Variants in ESRRB observed in about 807,000 individuals in gnomAD.
ESRRB encodes the protein steroid hormone receptor ERR2.
In ESRRB, 16 loss-of-function variants were observed where a neutral mutation model predicts 46.0. The ratio of observed to expected loss-of-function variants is 0.35; its 90% CI spans 0.24 to 0.53. The LOEUF (loss-of-function observed/expected upper bound fraction) is 0.53. Among genes scored for constraint, ESRRB ranks in the 20% least tolerant of loss-of-function variants. The pLI is 0.93. For missense variants in ESRRB, 488 were observed against 607.4 expected (o/e 0.80, Z 2.07); for synonymous variants, 246 against 259.6 (o/e 0.95, Z 0.50).
Position 76,376,541 on chromosome 14 carries a change from G to C in ESRRB, c.50+90G>C. 1 of 985,452 alleles carries C rather than the reference G, an allele frequency of 1.0e-6. No individual in the cohort carries two copies. Among genetic ancestry groups the C allele is most frequent in the Non-Finnish European group, 1.3e-6 (1 of 763,836 alleles). The allele number at this position is 985,452 out of a possible 1,614,324, so 61.0% of individuals were successfully genotyped here. ...CGCAGTTCCTTTTCTGCACATTCTT[G>C]TGTAAAAGTGGAAGGGACTTCGGGG... On this transcript the variant is annotated intron_variant, in intron 1 of 6. Transcript: ENST00000644823. This position sits in a 1 kb window ranked among gnomAD's most constrained non-coding sequence, Gnocchi z 4.1.
intron 2 of ESRRB, among the ~76,000 whole-genome samples, chr14:76,444,623 C>G (rs1168612448): frequency 2.0e-5 from 3 of 152,036 alleles, no homozygotes; most frequent in Non-Finnish European, 4.4e-5. Context: ...TGGCCTCAAG[C>G]AATTCTCTTG....
intron 1 of ESRRB, among the ~76,000 whole-genome samples, chr14:76,427,721 C>A (rs923501114): frequency 1.3e-5 from 2 of 152,174 alleles, no homozygotes; most frequent in African/African-American, 4.8e-5. Flanking sequence ...TCCTGTATGC[C>A]AGGCATTGTT....
chr14:76,315,753 C>A (rs1883792610), intron 1 of ESRRB, among the ~76,000 whole-genome samples: 1 of 152,174 alleles, frequency 6.6e-6, no homozygotes, highest in Non-Finnish European at 1.5e-5. Context: ...TCTGTGTCAG[C>A]AAGACATGCA....
Position 76,358,996 on chromosome 14 carries a change from C to T in ESRRB, c.2+48080C>T, listed in dbSNP as rs528441020. Among the ~76,000 whole-genome samples, 43 of 152,330 alleles carry T rather than the reference C, an allele frequency of 2.8e-4. 1 individual carries two copies. The South Asian group carries it at 5.8e-3, about 21-fold the overall frequency. On this transcript the variant is annotated intron_variant, in intron 1 of 6. Transcript: ENST00000512784. ...CTAATACTTTCCCAGGTGATACTGG[C>T]GCTGCTGGCTTTGTGGAACCCACAT...
chr14:76,432,401 C>A lies in ESRRB; in HGVS notation c.51-6940C>A, dbSNP rs577976341. On this transcript the variant is annotated intron_variant, in intron 1 of 6. Coordinates refer to ENST00000644823, the MANE Select transcript of ESRRB (RefSeq NM_001379180.1). ...TCATGAGTTAAGAGGCCTGGAGAAC[C>A]TTTGCGTCCCAGATTTCTGCTCCCA... Among the ~76,000 whole-genome samples the A allele has an allele frequency of 2.0e-4, 30 of 152,312 alleles. No homozygotes were observed. In the South Asian group the frequency reaches 5.8e-3, roughly 29 times the overall value.
At chr14:76,373,002 T>C (rs1207509102), upstream of ESRRB, among the ~76,000 whole-genome samples, 11 of 152,222 alleles carry the variant, frequency 7.2e-5, no homozygotes, top group Admixed American at 7.2e-4. Flanking sequence ...AATCTGATGA[T>C]GGTTCTAAAT....
Position 76,356,370 on chromosome 14 carries a change from T to TA in ESRRB, c.2+45455dup, listed in dbSNP as rs138723277. On this transcript the variant is annotated intron_variant, in intron 1 of 6. Coordinates refer to the ESRRB transcript ENST00000512784. The stretch of plus-strand genomic sequence containing the variant: ...AACCCATTTAATCTCACAATCACTC[T>TA]AGGAGGCTGGTACTCTCTCTCTCCC... 6.2e-3 allele frequency among the ~76,000 whole-genome samples: 937 copies of TA among 152,314 alleles called. 13 individuals carry two copies. Among genetic ancestry groups the TA allele is most frequent in the African/African-American group, 0.022 (898 of 41,550 alleles).
chr14:76,424,536 CA>C (rs1294294436), intron 1 of ESRRB, among the ~76,000 whole-genome samples: 1 of 152,144 alleles, frequency 6.6e-6, no homozygotes, highest in East Asian at 1.9e-4. Context: ...TGGGAATGCA[CA>C]GGGGGCAGCA....
chr14:76,469,616 C>A (rs1472698326), intron 3 of ESRRB, among the ~76,000 whole-genome samples: 2 of 152,164 alleles, frequency 1.3e-5, no homozygotes, highest in Non-Finnish European at 2.9e-5. Flanking sequence ...CTCAAGCAAT[C>A]AACCCACCTT....
chr14:76,392,180 A>G (rs1484207899), intron 1 of ESRRB, among the ~76,000 whole-genome samples: 1 of 152,198 alleles, frequency 6.6e-6, no homozygotes, highest in Admixed American at 6.5e-5. Context: ...TCAAGATGCC[A>G]GTGGAAGCAG....
At chr14:76,404,730 C>A (rs890083942) in intron 1 of ESRRB, among the ~76,000 whole-genome samples, 1 of 152,164 alleles carries the variant, frequency 6.6e-6, no homozygotes, top group African/African-American at 2.4e-5. Flanking sequence ...GACTTTTTTT[C>A]TAAAAGCAAC....
intron 1 of ESRRB, among the ~76,000 whole-genome samples, chr14:76,326,713 C>T (rs1486105999): frequency 6.6e-6 from 1 of 152,184 alleles, no homozygotes; most frequent in African/African-American, 2.4e-5. Flanking sequence ...CTTTGGAAGA[C>T]GTTGGGGCTG....
intron 2 of ESRRB, among the ~76,000 whole-genome samples, chr14:76,440,657 TTTCCTTCC>T (rs566921340): frequency 3.0e-4 from 46 of 151,564 alleles, no homozygotes; most frequent in South Asian, 2.1e-3. Flanking sequence ...CTGTATTTTC[TTTCCTTCC>T]TTCCTTCCTT....
chr14:76,394,941 G>A (rs915747339), intron 1 of ESRRB, among the ~76,000 whole-genome samples: 5 of 152,174 alleles, frequency 3.3e-5, no homozygotes, highest in Non-Finnish European at 7.4e-5. Context: ...TTGATAGAGG[G>A]AAAACTGGTA....
chr14:76,312,739 T>C (rs1358238192), intron 1 of ESRRB, among the ~76,000 whole-genome samples: 3 of 151,964 alleles, frequency 2.0e-5, no homozygotes, highest in Admixed American at 2.0e-4. Flanking sequence ...TGGGATTTGG[T>C]GGATTATTGT....
chr14:76,474,725 C>T lies in ESRRB; in HGVS notation c.578-7291C>T, dbSNP rs146239915. Reference sequence around the variant, plus strand: ...GTGTGGTGGCATGTACCCATAATCCCGGCTATTCAGGAGGCCGAGGCAGGA... The same window carrying T: ...GTGTGGTGGCATGTACCCATAATCCTGGCTATTCAGGAGGCCGAGGCAGGA... On this transcript the variant is annotated intron_variant, in intron 3 of 6. Coordinates refer to ENST00000644823, the MANE Select transcript of ESRRB (RefSeq NM_001379180.1). Among the ~76,000 whole-genome samples, 9 of 152,216 alleles carry T rather than the reference C, an allele frequency of 5.9e-5. No homozygotes were observed. The East Asian group carries it at 1.3e-3, about 23-fold the overall frequency.
intron 1 of ESRRB, among the ~76,000 whole-genome samples, chr14:76,344,168 G>A (rs1484839339): frequency 6.6e-6 from 1 of 152,168 alleles, no homozygotes; most frequent in African/African-American, 2.4e-5. Flanking sequence ...TTGTGAGGAT[G>A]GAATAAATTT....
intron 1 of ESRRB, among the ~76,000 whole-genome samples, chr14:76,322,736 G>A (rs1883882422): frequency 6.6e-6 from 1 of 152,180 alleles, no homozygotes; most frequent in Admixed American, 6.5e-5. Flanking sequence ...GAGGGAGTGA[G>A]ACGTGGGCAG....
chr14:76,447,073 G>GT lies in ESRRB; in HGVS notation c.460+7325dup, dbSNP rs113881394. Among the ~76,000 whole-genome samples, 519 of 152,202 alleles carry GT rather than the reference G, an allele frequency of 3.4e-3. 8 individuals carry two copies. Among genetic ancestry groups the GT allele is most frequent in the African/African-American group, 0.012 (499 of 41,520 alleles). ...CTCTTCCATGTTCGCAGCTGCTTCC[G>GT]TTCACTGATTCCGCAGCTATTTCTT... On this transcript the variant is annotated intron_variant, in intron 2 of 6. Transcript: ENST00000644823.
Sources: gnomAD v4.1 joint callset for allele counts (sites outside exome capture counted in the v4.1 genomes callset) on GRCh38, gnomAD v4.1.1 for gene constraint, Gnocchi (gnomAD v3.1) non-coding constraint, MANE v1.5 for transcripts, NCBI Gene and HGNC (gene_info 2026-07-23, HGNC 2026-07-21) for gene names.